MTOR: variants seen among roughly 807,000 people sequenced by gnomAD.
The protein encoded by MTOR is serine/threonine-protein kinase mTOR.
A neutral mutation model predicts 319.8 loss-of-function variants in MTOR; 70 were observed. The ratio of observed to expected loss-of-function variants is 0.22; its 90% CI spans 0.18 to 0.27. The LOEUF is 0.27. Among genes scored for constraint, MTOR ranks in the 10% least tolerant of loss-of-function variants. The pLI is 1.00. For synonymous variants in MTOR, 1,183 were observed against 1,211.4 expected (o/e 0.98, Z 0.49); for missense variants, 1,890 against 3,274.4 (o/e 0.58, Z 10.32).
chr1:11,233,333 C>T, intron 15 of MTOR, 65 bp downstream of exon 15: 2 of 1,425,714 alleles, frequency 1.4e-6, no homozygotes, highest in Non-Finnish European at 9.7e-7. Context: ...AGTATTTTGA[C>T]TTCCTTAGAG....
chr1:11,145,542 G>A (rs775596911), intron 32 of MTOR, among the ~76,000 whole-genome samples: 1 of 151,542 alleles, frequency 6.6e-6, no homozygotes, highest in Admixed American at 6.6e-5. Context: ...CCGCCACCAC[G>A]CCCAGCTAAT....
intron 30 of MTOR, among the ~76,000 whole-genome samples, chr1:11,154,487 C>G (rs1644255478): frequency 6.6e-6 from 1 of 151,332 alleles, no homozygotes; most frequent in African/African-American, 2.4e-5. Flanking sequence ...ATCAGACAAG[C>G]CACTTTCAAA....
chr1:11,158,202 T>C (rs181927543), intron 29 of MTOR, among the ~76,000 whole-genome samples: 1 of 152,310 alleles, frequency 6.6e-6, no homozygotes, highest in Non-Finnish European at 1.5e-5. Context: ...CAGGCAAGGG[T>C]AGTGGCTCTC....
Position 11,133,154 on chromosome 1 carries a change from T to C in MTOR, c.5290A>G (p.Ile1764Val), listed in dbSNP as rs1203359315. ...LGEWQLNLQG[I>V]NESTIPKVLQ... The stretch of plus-strand genomic sequence containing the variant: ...ACTTTGGGGATTGTGCTCTCATTGA[T>C]GCCCTGTAGATTCAGCTGCCACTCT... Residue 1764 changes from isoleucine (I) to valine (V), a missense_variant, in exon 38 of 58, where the codon ATC (isoleucine) becomes GTC (valine). This residue lies in a region of MTOR where 276 missense variants were observed against 459.4 expected (regional missense o/e 0.60). Transcript: ENST00000361445. The surrounding 1 kb of genome is among the most constrained non-coding windows in gnomAD (Gnocchi z 4.0). 6.2e-7 allele frequency: 1 copy of C among 1,614,052 alleles called. No individual in the cohort carries two copies. The highest frequency in any genetic ancestry group is 1.3e-5 in the African/African-American group (1 of 74,922).
In MTOR at chr1:11,171,695, G is replaced by A. The variant is rs138433046; in HGVS notation, c.4254-4178C>T. ...CCACCTCTAAGGACTGACCAGCATA[G>A]CTTTGCAAATTAAAAATGTAAAAAC... On this transcript the variant is annotated intron_variant, in intron 28 of 57. Coordinates refer to ENST00000361445, the MANE Select transcript of MTOR (RefSeq NM_004958.4). Among the ~76,000 whole-genome samples, 769 of 152,124 alleles carry A rather than the reference G, an allele frequency of 5.1e-3. 23 individuals are homozygous for A. Among genetic ancestry groups the A allele is most frequent in the African/African-American group, 0.018 (749 of 41,452 alleles).
At chr1:11,185,543 C>G (rs974722023) in intron 28 of MTOR, among the ~76,000 whole-genome samples, 4 of 152,000 alleles carry the variant, frequency 2.6e-5, no homozygotes, top group Admixed American at 1.3e-4. Context: ...GAGGTTGAGG[C>G]TGCAATGAGC....
intron 29 of MTOR, among the ~76,000 whole-genome samples, chr1:11,164,359 G>C (rs1209658170): frequency 7.0e-6 from 1 of 143,510 alleles, no homozygotes; most frequent in African/African-American, 2.6e-5. Context: ...AAAAAAGAGA[G>C]AGAGAGAGAA....
At chr1:11,189,402 A>T in intron 28 of MTOR, 1 of 771,594 alleles carries the variant, frequency 1.3e-6, no homozygotes, top group Non-Finnish European at 2.1e-6. Flanking sequence ...CCCCTGTCAG[A>T]GACTCAAGCT....
At chr1:11,143,128 G>A (rs1395277979) in intron 34 of MTOR, among the ~76,000 whole-genome samples, 1 of 152,184 alleles carries the variant, frequency 6.6e-6, no homozygotes, top group Non-Finnish European at 1.5e-5. Flanking sequence ...AAAGTACACT[G>A]AGTGATTGTT....
chr1:11,176,708 C>G (rs568547865), intron 28 of MTOR, among the ~76,000 whole-genome samples: 12 of 152,210 alleles, frequency 7.9e-5, no homozygotes, highest in Non-Finnish European at 1.5e-4. Context: ...ACCACTGTAT[C>G]AAGCAGTTTC....
At chr1:11,177,548 ACT>A (rs749761423) in intron 28 of MTOR, among the ~76,000 whole-genome samples, 3 of 152,026 alleles carry the variant, frequency 2.0e-5, no homozygotes, top group African/African-American at 7.3e-5. Context: ...ACAGAGTGAG[ACT>A]CTGTCTCCAA....
chr1:11,213,678 C>T (rs535648170), intron 20 of MTOR, 112 bp from the exon 21 acceptor site: 4 of 990,192 alleles, frequency 4.0e-6, no homozygotes, highest in East Asian at 2.4e-5. Flanking sequence ...TGGTCTGCGC[C>T]GAGATCAACT....
intron 25 of MTOR, among the ~76,000 whole-genome samples, chr1:11,205,546 A>C (rs1646109875): frequency 6.6e-6 from 1 of 152,220 alleles, no homozygotes; most frequent in East Asian, 1.9e-4. Context: ...CTATTTGCCT[A>C]GTTCTCTAAA....
chr1:11,238,286 G>T, intron 12 of MTOR, 116 bp downstream of exon 12: 1 of 1,148,408 alleles, frequency 8.7e-7, no homozygotes, highest in Non-Finnish European at 1.3e-6. Flanking sequence ...AGAAATAGCT[G>T]AATATCAGCT....
chr1:11,133,635 G>A lies in MTOR; in HGVS notation c.5247-438C>T, dbSNP rs1643266992. The stretch of plus-strand genomic sequence containing the variant: ...ATTCCAAGTGCTGCTTGAAATGCTT[G>A]GCATTGTACTCTTTGCATTAATCCT... On this transcript the variant is annotated intron_variant, in intron 37 of 57. Coordinates refer to ENST00000361445, the MANE Select transcript of MTOR (RefSeq NM_004958.4). The surrounding 1 kb of genome is among the most constrained non-coding windows in gnomAD (Gnocchi z 4.0). 6.6e-6 allele frequency among the ~76,000 whole-genome samples: 1 copy of A among 152,120 alleles called. No homozygotes were observed. The highest frequency in any genetic ancestry group is 2.1e-4 in the South Asian group (1 of 4,832).
At chr1:11,157,350 T>C (rs1210321676) in intron 29 of MTOR, 59 bp from the exon 30 acceptor site, 2 of 1,567,444 alleles carry the variant, frequency 1.3e-6, no homozygotes, top group African/African-American at 1.4e-5. Context: ...TCACATTGTT[T>C]AATCCACATA....
At chr1:11,243,681 C>T (rs1648401363) in intron 8 of MTOR, among the ~76,000 whole-genome samples, 1 of 147,622 alleles carries the variant, frequency 6.8e-6, no homozygotes, top group Non-Finnish European at 1.5e-5. Context: ...GACAAAGAGC[C>T]TGTCTCAAAA....
intron 30 of MTOR, among the ~76,000 whole-genome samples, chr1:11,154,068 CAAAAAAAAAAAAAAAAAAAA>C (rs70977548): frequency 0.016 from 206 of 13,082 alleles, 4 homozygotes; most frequent in African/African-American, 0.05. Context: ...GACTCTGTCT[CAAAAAAAAAAAAAAAAAAAA>C]AAAAAAAAAA....
intron 46 of MTOR, among the ~76,000 whole-genome samples, chr1:11,126,130 A>C: frequency 6.8e-6 from 1 of 148,016 alleles, no homozygotes; most frequent in African/African-American, 2.5e-5. Flanking sequence ...CATAAGTAAC[A>C]CTCTACCCCA....
Sources: gnomAD v4.1 joint callset for allele counts (sites outside exome capture counted in the v4.1 genomes callset) on GRCh38, gnomAD v4.1.1 for gene constraint, gnomAD v4.1.1 regional missense constraint, Gnocchi (gnomAD v3.1) non-coding constraint, MANE v1.5 for transcripts, NCBI Gene and HGNC (gene_info 2026-07-23, HGNC 2026-07-21) for gene names.